Variants in ZFP90 observed in about 807,000 individuals in gnomAD.
ZFP90 encodes the protein ZFP90 zinc finger protein, also known as zinc finger protein 90 homolog.
ZFP90 carries 38 observed loss-of-function variants against 60.8 expected under a neutral mutation model. That is an observed-to-expected ratio of 0.62 (90% CI 0.48 to 0.82). ZFP90 has a LOEUF of 0.82. Among genes scored for constraint, ZFP90 ranks in the 40% least tolerant of loss-of-function variants. The pLI is 0.00. For synonymous variants in ZFP90, 287 were observed against 264.8 expected, an observed-to-expected ratio of 1.08 and a Z score of -0.82; for missense variants, 711 against 759.1, an observed-to-expected ratio of 0.94 and a Z score of 0.74.
chr16:68,534,229 C>CTTTTT lies in ZFP90; in HGVS notation c.-36+377_-36+378insTTTTT, dbSNP rs1555496914. Among the ~76,000 whole-genome samples the CTTTTT allele has an allele frequency of 4.8e-4, 65 of 135,148 alleles. 17 individuals carry two copies. The highest frequency in any genetic ancestry group is 3.8e-4 in the Admixed American group (5 of 13,286). The allele number at this position is 135,148 out of a possible 152,430, so 88.7% of individuals were successfully genotyped here. A position where few individuals can be genotyped will look rare whatever the true frequency, so the allele number is the denominator to read the frequency against. ...CATTTTTAACTTAAAGATTTTCTTT[C>CTTTTT]TTTCTTTTTTTTTTTTTGAGACAGC... On this transcript the variant is annotated intron_variant, in intron 2 of 3. Transcript: ENST00000569109.
In ZFP90 at chr16:68,563,640, A is replaced by T. The variant is rs1222608151; in HGVS notation, c.853A>T (p.Asn285Tyr). ...CACTGGGGAGAAACCCTTTGAATGC[A>T]ATGTATGTGGAAAGGCCTTCAGGCA... ...IHTGEKPFEC[N>Y]VCGKAFRHSS... is the part of the protein sequence containing the mutation. The change falls in exon 5 of 5, where the codon AAT (asparagine) becomes TAT (tyrosine). Residue 285 changes from asparagine to tyrosine, a missense_variant. This residue lies in a region of ZFP90 where 146 missense variants were observed against 201.4 expected (regional missense o/e 0.73). Coordinates refer to ENST00000563169, the MANE Select transcript of ZFP90 (RefSeq NM_001305203.2). 21 of 1,614,036 alleles carry T rather than the reference A, an allele frequency of 1.3e-5. No individual in the cohort carries two copies. Among genetic ancestry groups the T allele is most frequent in the African/African-American group, 2.7e-5 (2 of 74,916 alleles).
At position 68,565,299 on chromosome 16, in the gene ZFP90, AT is replaced by A. The variant is rs978083361; in HGVS notation, c.*602del. Reference sequence around the variant, plus strand: ...GCAGGTTTCCTGGATTTGGGGCCCCATGGCCTTGCCAGTGAAAAGGTTATTT... The same window carrying A: ...GCAGGTTTCCTGGATTTGGGGCCCCAGGCCTTGCCAGTGAAAAGGTTATTT... On this transcript the variant is annotated 3_prime_UTR_variant, in exon 5 of 5. Transcript: ENST00000563169. 38 of 985,456 alleles carry A rather than the reference AT, an allele frequency of 3.9e-5. No homozygotes were observed. The African/African-American group carries it at 5.6e-4, about 14-fold the overall frequency. 61.0% of individuals were successfully genotyped at this position (985,456 alleles called of 1,614,324 possible). A position where few individuals can be genotyped will look rare whatever the true frequency, so the allele number is the denominator to read the frequency against.
Position 68,567,022 on chromosome 16 carries a change from C to T in ZFP90, c.*2324C>T, listed in dbSNP as rs1373866849. 3.0e-6 allele frequency: 3 copies of T among 985,444 alleles called. No homozygotes were observed. Among genetic ancestry groups the T allele is most frequent in the Admixed American group, 6.2e-5 (1 of 16,260 alleles). 61.0% of individuals were successfully genotyped at this position (985,444 alleles called of 1,614,324 possible). On this transcript the variant is annotated 3_prime_UTR_variant, in exon 5 of 5. Transcript: ENST00000563169. ...TCATTGACCAGAAGGCTTTCTTAGTCCCAACAGCCATGAACCATGCACTTA... is the reference window on the plus strand; with the variant it reads ...TCATTGACCAGAAGGCTTTCTTAGTTCCAACAGCCATGAACCATGCACTTA...
intron 4 of ZFP90, chr16:68,562,757 T>C (rs953261909): frequency 1.7e-6 from 1 of 583,440 alleles, no homozygotes; most frequent in Non-Finnish European, 3.0e-6. Context: ...CCTGTTCCAT[T>C]TGTATCTGTG....
rs10630083 is a variant in ZFP90 at position 68,572,188 on chromosome 16, T to TC, written c.224-3603_224-3602insC. ...GACCAGCTGACAAACACTTTTTTTT[T>TC]TTCCATTTGGAAAGGTAGCAGACAC... is the stretch of plus-strand genomic sequence containing the variant. On this transcript the variant is annotated intron_variant, in intron 2 of 2. Coordinates refer to the ZFP90 transcript ENST00000573113. Among the ~76,000 whole-genome samples, 995 of 151,704 alleles carry TC rather than the reference T, an allele frequency of 6.6e-3. 11 individuals are homozygous for TC. Among genetic ancestry groups the TC allele is most frequent in the African/African-American group, 0.022 (928 of 41,340 alleles).
At chr16:68,543,132 T>C (rs201890186) in intron 2 of ZFP90, among the ~76,000 whole-genome samples, 19 of 151,994 alleles carry the variant, frequency 1.3e-4, no homozygotes, top group Non-Finnish European at 2.4e-4. Flanking sequence ...TTGAAGGCGA[T>C]GAGGGAGTAG....
At chr16:68,547,073 A>G (rs1032368002) in intron 2 of ZFP90, among the ~76,000 whole-genome samples, 3 of 152,224 alleles carry the variant, frequency 2.0e-5, no homozygotes, top group Non-Finnish European at 4.4e-5. Context: ...GCATTGAACT[A>G]TTGAACGTGG....
At chr16:68,539,885 A>G in intron 2 of ZFP90, 60 bp downstream of exon 2, 4 of 1,578,454 alleles carry the variant, frequency 2.5e-6, no homozygotes, top group South Asian at 1.1e-5. Context: ...CCATCTCCCA[A>G]GGGTGTTTGG....
At chr16:68,540,531 A>G (rs574207903) in intron 2 of ZFP90, among the ~76,000 whole-genome samples, 1 of 152,278 alleles carries the variant, frequency 6.6e-6, no homozygotes, top group African/African-American at 2.4e-5. Flanking sequence ...TCACAACTCT[A>G]AGGTTATCCA....
At chr16:68,569,461 A>G (rs773505581), downstream of ZFP90, among the ~76,000 whole-genome samples, 3 of 152,076 alleles carry the variant, frequency 2.0e-5, no homozygotes, top group Admixed American at 6.6e-5. Flanking sequence ...CTTGTATGCT[A>G]TCCTCCAGCA....
intron 2 of ZFP90, among the ~76,000 whole-genome samples, chr16:68,553,532 G>T (rs978463598): frequency 6.6e-6 from 1 of 152,182 alleles, no homozygotes; most frequent in African/African-American, 2.4e-5. Context: ...GCCTATAGGC[G>T]GCCATAAAGA....
Position 68,563,765 on chromosome 16 carries a change from T to A in ZFP90, c.978T>A (p.Val326=). ...GKAFQRSSSL[V]QHQRIHTGEK... ...CCTTCCAGCGCAGCTCCTCCCTTGT[T>A]CAACACCAGCGAATTCACACTGGAG... The change falls in exon 5 of 5, where the codon GTT becomes GTA. Residue 326 remains valine (V), a synonymous_variant. Transcript: ENST00000563169. The A allele has an allele frequency of 1.2e-6, 2 of 1,614,078 alleles. No individual in the cohort carries two copies. Among genetic ancestry groups the A allele is most frequent in the Non-Finnish European group, 8.5e-7 (1 of 1,180,002 alleles).
Position 68,565,432 on chromosome 16 carries a change from G to A in ZFP90, c.*734G>A. ...TTGAGAATTCTTAAAAGTATAAGTG[G>A]GAGCAAAATGTATGCAAATTTATCA... On this transcript the variant is annotated 3_prime_UTR_variant, in exon 5 of 5. Transcript: ENST00000563169. 3.0e-6 allele frequency: 3 copies of A among 985,516 alleles called. No individual in the cohort carries two copies. The highest frequency in any genetic ancestry group is 3.6e-6 in the Non-Finnish European group (3 of 829,922). The allele number at this position is 985,516 out of a possible 1,614,324, so 61.0% of individuals were successfully genotyped here.
rs527692040 is a variant in ZFP90 at position 68,576,033 on chromosome 16, A to G, written c.*157A>G. 2.6e-5 allele frequency: 8 copies of G among 305,656 alleles called. No individual in the cohort carries two copies. The East Asian group carries it at 3.4e-4, about 13-fold the overall frequency. 18.9% of individuals were successfully genotyped at this position (305,656 alleles called of 1,614,324 possible). ...TTCCCCTTGCAGCAAGCTAGGAAAC[A>G]TTTATTTAAAAAAAAAAAAAAAAAG... On this transcript the variant is annotated 3_prime_UTR_variant, in exon 3 of 3. Coordinates refer to the ZFP90 transcript ENST00000573113.
In ZFP90 at chr16:68,564,716, A is replaced by C. The variant is rs2091497062; in HGVS notation, c.*18A>C. The C allele has an allele frequency of 1.3e-6, 2 of 1,576,666 alleles. No homozygotes were observed. The highest frequency in any genetic ancestry group is 1.7e-4 in the Middle Eastern group (1 of 5,890). On this transcript the variant is annotated 3_prime_UTR_variant, in exon 5 of 5. Coordinates refer to ENST00000563169, the MANE Select transcript of ZFP90 (RefSeq NM_001305203.2). The stretch of plus-strand genomic sequence containing the variant: ...AACTCTAGGAACCGTGAAATTAAGG[A>C]ATTTGCAGAATGCTTTAGCTAAAAT...
chr16:68,555,987 T>C (rs2091337437), intron 2 of ZFP90, among the ~76,000 whole-genome samples: 1 of 152,186 alleles, frequency 6.6e-6, no homozygotes, highest in Admixed American at 6.5e-5. Flanking sequence ...CATACTTTAT[T>C]ATATACTTTC....
intron 2 of ZFP90, among the ~76,000 whole-genome samples, chr16:68,554,909 G>C (rs11641652): frequency 0.19 from 29,096 of 152,114 alleles, 3,136 homozygotes; most frequent in African/African-American, 0.28. Context: ...ATGTCTAGAG[G>C]GTAGAGTAGG....
intron 2 of ZFP90, among the ~76,000 whole-genome samples, chr16:68,550,173 T>C (rs138255962): frequency 5.3e-4 from 81 of 152,356 alleles, no homozygotes; most frequent in African/African-American, 1.8e-3. Flanking sequence ...TTATCATCTC[T>C]ACATGTGATA....
chr16:68,546,084 A>G (rs968606330), intron 2 of ZFP90, among the ~76,000 whole-genome samples: 4 of 152,180 alleles, frequency 2.6e-5, no homozygotes, highest in Admixed American at 1.3e-4. Flanking sequence ...CTGAGACATG[A>G]GAATTGCTTG....
Sources: allele counts gnomAD v4.1 joint callset (sites outside exome capture counted in the v4.1 genomes callset), GRCh38; gene constraint gnomAD v4.1.1; regional missense constraint gnomAD v4.1.1; transcripts MANE v1.5; gene names NCBI Gene and HGNC (gene_info 2026-07-23, HGNC 2026-07-21).